MYH15: variants seen among roughly 807,000 people sequenced by gnomAD.
The protein encoded by MYH15 is myosin heavy chain 15, also known as myosin-15.
MYH15 carries 227 observed loss-of-function variants against 240.5 expected under a neutral mutation model. The observed-to-expected ratio is 0.94, with a 90% CI of 0.85 to 1.05. The LOEUF is 1.05. Ranked by LOEUF, MYH15 falls within the 50% of genes least tolerant of loss-of-function variation. The probability of loss-of-function intolerance (pLI) is 0.00; values close to 1 mark genes in which losing one functional copy is unlikely to be tolerated. For synonymous variants in MYH15, 785 were observed against 796.7 expected (o/e 0.99, Z 0.25); for missense variants, 2,217 against 2,247.5 (o/e 0.99, Z 0.27).
chr3:108,473,567 T>A (rs2083195066), intron 12 of MYH15, among the ~76,000 whole-genome samples: 1 of 152,334 alleles, frequency 6.6e-6, no homozygotes, highest in South Asian at 2.1e-4. Context: ...AGGGTCACTA[T>A]CTGTAGCTGT....
chr3:108,501,932 T>C, intron 2 of MYH15, 77 bp from the exon 3 acceptor site: 1 of 1,489,570 alleles, frequency 6.7e-7, no homozygotes, highest in South Asian at 1.2e-5. Context: ...TTAGAAAGAA[T>C]ATTCAGACTC....
Position 108,381,377 on chromosome 3 carries a change from G to T in MYH15, c.*168C>A. The T allele has an allele frequency of 1.3e-6, 1 of 741,746 alleles. No individual in the cohort carries two copies. The highest frequency in any genetic ancestry group is 2.3e-6 in the Non-Finnish European group (1 of 435,222). The allele number at this position is 741,746 out of a possible 1,614,324, so 45.9% of individuals were successfully genotyped here. ...GATCAAAAAATCCCCATTAACTGTG[G>T]AAGCAATGATATTCCCTTTAATTAT... is the stretch of plus-strand genomic sequence containing the variant. On this transcript the variant is annotated 3_prime_UTR_variant, in exon 41 of 41. Coordinates refer to ENST00000693548, the MANE Select transcript of MYH15 (RefSeq NM_014981.3).
intron 15 of MYH15, 47 bp from the exon 16 acceptor site, chr3:108,463,290 A>AT: frequency 6.4e-7 from 1 of 1,558,210 alleles, no homozygotes; most frequent in African/African-American, 1.4e-5. Flanking sequence ...AAAAAACTGC[A>AT]TAAGTTAACA....
In MYH15 at chr3:108,392,605, T is replaced by C. The variant is rs184521541; in HGVS notation, c.5260-675A>G. ...TTTCTGTCTATCAGGTTACCAACCA[T>C]CTGCAGAATTTAAGTGTGAGACTTC... On this transcript the variant is annotated intron_variant, in intron 36 of 40. Coordinates refer to ENST00000693548, the MANE Select transcript of MYH15 (RefSeq NM_014981.3). Among the ~76,000 whole-genome samples the C allele has an allele frequency of 4.6e-5, 7 of 152,306 alleles. No homozygotes were observed. The East Asian group carries it at 9.7e-4, about 21-fold the overall frequency.
At chr3:108,433,567 T>C (rs2082799010) in intron 25 of MYH15, among the ~76,000 whole-genome samples, 1 of 152,150 alleles carries the variant, frequency 6.6e-6, no homozygotes, top group South Asian at 2.1e-4. Flanking sequence ...CCAGGTGTTG[T>C]GGGAGGGAAC....
intron 1 of MYH15, among the ~76,000 whole-genome samples, chr3:108,525,664 C>T (rs1051595055): frequency 6.6e-6 from 1 of 152,064 alleles, no homozygotes; most frequent in East Asian, 1.9e-4. Context: ...TGTTTAGATA[C>T]TCTCATGTCT....
intron 39 of MYH15, 144 bp from the exon 40 acceptor site, chr3:108,383,873 G>C: frequency 1.6e-6 from 1 of 627,950 alleles, no homozygotes; most frequent in Non-Finnish European, 2.5e-6. Flanking sequence ...ATTTTGGTAT[G>C]ATATATTAGG....
intron 15 of MYH15, among the ~76,000 whole-genome samples, chr3:108,464,405 G>A (rs1329273355): frequency 6.6e-6 from 1 of 152,214 alleles, no homozygotes; most frequent in Non-Finnish European, 1.5e-5. Flanking sequence ...CTTGCTTTGA[G>A]TTGAGGTTGA....
rs2107577142 is a variant in MYH15 at position 108,454,159 on chromosome 3, A to G, written c.2263-17T>C. ...AAAAAACACCTAAAGGAAAAGTCAG[A>G]TGTTAGCTCCACTGATAATGGGTAT... On this transcript the variant is annotated splice_polypyrimidine_tract_variant and intron_variant, in intron 20 of 40. Transcript: ENST00000693548. The G allele has an allele frequency of 1.9e-6, 3 of 1,600,550 alleles. No homozygotes were observed. In the East Asian group the frequency reaches 6.7e-5, roughly 36 times the overall value.
Position 108,410,601 on chromosome 3 carries a change from C to T in MYH15, c.4477G>A (p.Glu1493Lys), listed in dbSNP as rs757140894. 6.3e-7 allele frequency: 1 copy of T among 1,594,462 alleles called. No individual in the cohort carries two copies. Among genetic ancestry groups the T allele is most frequent in the Non-Finnish European group, 8.6e-7 (1 of 1,164,870 alleles). Residue 1493 changes from glutamate to lysine, a missense_variant, in exon 31 of 41, where the codon GAG becomes AAG. Physicochemically the swap from Glu to Lys is moderately conservative, Grantham distance 56. Transcript: ENST00000693548. ...SIVGQETLRR[E>K]NKNLQEEISN... ...GGTGTACCTTGGAGGTTCTTGTTCT[C>T]CCTCCTGAGTGTCTCCTGGCCCACG... is the stretch of plus-strand genomic sequence containing the variant.
rs956018224 is a variant in MYH15, at chr3:108,470,768, G to A, written c.1313C>T (p.Ala438Val). The A allele has an allele frequency of 1.9e-6, 3 of 1,613,742 alleles. No individual in the cohort carries two copies. Among genetic ancestry groups the A allele is most frequent in the Non-Finnish European group, 2.5e-6 (3 of 1,179,826 alleles). ...CTGCCTTGACAGCTTGGCATCCAGG[G>A]CCCTGTTGATCCGTGCCACTAGCCA... ...FKWLVARINR[A>V]LDAKLSRQFF... Residue 438 changes from alanine to valine, a missense_variant, in exon 13 of 41, where the codon GCC becomes GTC. Coordinates refer to ENST00000693548, the MANE Select transcript of MYH15 (RefSeq NM_014981.3).
At chr3:108,505,000 T>TC (rs1216067492) in intron 2 of MYH15, among the ~76,000 whole-genome samples, 7 of 152,216 alleles carry the variant, frequency 4.6e-5, no homozygotes, top group Non-Finnish European at 8.8e-5. Flanking sequence ...TACTGGCCAT[T>TC]CCCCCATCTC....
At chr3:108,486,624 C>A (rs2083308362) in intron 9 of MYH15, 98 bp from the exon 10 acceptor site, 2 of 699,128 alleles carry the variant, frequency 2.9e-6, no homozygotes. Context: ...CAGTTTATAT[C>A]ATACTTGTAA....
At chr3:108,459,323 T>C (rs1345241132) in intron 18 of MYH15, 39 bp downstream of exon 18, 10 of 1,291,810 alleles carry the variant, frequency 7.7e-6, no homozygotes, top group Middle Eastern at 2.5e-4. Flanking sequence ...ATATCAAATC[T>C]ATTTCCTAGT....
At chr3:108,498,189 T>C (rs915006048) in intron 5 of MYH15, 44 bp from the exon 6 acceptor site, 2 of 1,558,786 alleles carry the variant, frequency 1.3e-6, no homozygotes, top group African/African-American at 2.7e-5. Context: ...GTTCTGATTA[T>C]CAATGCAACG....
chr3:108,502,439 C>A (rs888975150), intron 2 of MYH15, among the ~76,000 whole-genome samples: 10 of 152,028 alleles, frequency 6.6e-5, no homozygotes, highest in African/African-American at 2.4e-4. Flanking sequence ...ATTATAAATA[C>A]CTTAAGAAGG....
the MYH15 span, among the ~76,000 whole-genome samples, chr3:108,536,267 A>AAAAAC: frequency 0.026 from 4,002 of 152,182 alleles, 182 homozygotes; most frequent in African/African-American, 0.09. Context: ...TTTACCTCAA[A>AAAAAC]AAAACAAAAC....
rs149671130 is a variant in MYH15 at position 108,493,435 on chromosome 3, G to A, written c.712-258C>T. On this transcript the variant is annotated intron_variant, in intron 7 of 40. Coordinates refer to ENST00000693548, the MANE Select transcript of MYH15 (RefSeq NM_014981.3). ...GGACTAGCAGTGGTTCTGGCTTGTAGCCCCAAATCTGCTGATTGCTACCTG... is the reference window on the plus strand; with the variant it reads ...GGACTAGCAGTGGTTCTGGCTTGTAACCCCAAATCTGCTGATTGCTACCTG... 6.1e-3 allele frequency among the ~76,000 whole-genome samples: 928 copies of A among 152,340 alleles called. 2 individuals are homozygous for A. The highest frequency in any genetic ancestry group is 0.01 in the Non-Finnish European group (709 of 68,032).
At chr3:108,487,385 T>C (rs2083314665) in intron 9 of MYH15, among the ~76,000 whole-genome samples, 1 of 152,264 alleles carries the variant, frequency 6.6e-6, no homozygotes, top group African/African-American at 2.4e-5. Context: ...AATAACCATC[T>C]GCAGTTGAAT....
Sources: allele counts gnomAD v4.1 joint callset (sites outside exome capture counted in the v4.1 genomes callset), GRCh38; gene constraint gnomAD v4.1.1; transcripts MANE v1.5; gene names NCBI Gene and HGNC (gene_info 2026-07-23, HGNC 2026-07-21).